Variants in TAFA4 observed in about 807,000 individuals in gnomAD.
TAFA4 encodes chemokine-like protein TAFA-4.
Under a neutral mutation model 21.1 loss-of-function variants are expected in TAFA4, and 20 were observed. That is an observed-to-expected ratio of 0.95 (90% CI 0.67 to 1.38). The LOEUF is 1.38. Among genes scored for constraint, TAFA4 ranks in the 40% most tolerant of loss-of-function variants. The pLI, the probability that TAFA4 is intolerant of heterozygous loss-of-function variation, is 0.00. For synonymous variants in TAFA4, 71 were observed against 67.4 expected, an observed-to-expected ratio of 1.05 and a Z score of -0.26; for missense variants, 211 against 180.9, an observed-to-expected ratio of 1.17 and a Z score of -0.95.
chr3:68,820,292 T>C (rs1043494001), intron 3 of TAFA4, among the ~76,000 whole-genome samples: 1 of 152,166 alleles, frequency 6.6e-6, no homozygotes, highest in Non-Finnish European at 1.5e-5. Context: ...AGATAAGATA[T>C]TTGTCAAATG....
chr3:68,896,779 G>C (rs1206033795), intron 1 of TAFA4, among the ~76,000 whole-genome samples: 1 of 152,214 alleles, frequency 6.6e-6, no homozygotes. Flanking sequence ...GGGTATCTCA[G>C]ACACTCCATG....
At chr3:68,901,843 C>T (rs759888593) in intron 1 of TAFA4, among the ~76,000 whole-genome samples, 1 of 152,156 alleles carries the variant, frequency 6.6e-6, no homozygotes. Flanking sequence ...GGGTTCTTGT[C>T]CTCACTGTTT....
chr3:68,912,410 T>C (rs1477490680), intron 1 of TAFA4, among the ~76,000 whole-genome samples: 1 of 152,234 alleles, frequency 6.6e-6, no homozygotes, highest in African/African-American at 2.4e-5. Context: ...CTGACTTCAC[T>C]ACTGGCCGCT....
intron 3 of TAFA4, among the ~76,000 whole-genome samples, chr3:68,807,009 C>T (rs1484326907): frequency 6.6e-6 from 1 of 152,152 alleles, no homozygotes; most frequent in Non-Finnish European, 1.5e-5. Flanking sequence ...AAATGAAGTC[C>T]TGCCAATGCA....
intron 3 of TAFA4, among the ~76,000 whole-genome samples, chr3:68,777,496 T>A (rs1247363100): frequency 1.3e-5 from 2 of 152,094 alleles, no homozygotes; most frequent in Non-Finnish European, 2.9e-5. Flanking sequence ...TAATTAAAAA[T>A]TTAAATTTAA....
At chr3:68,899,896 T>A (rs964229517) in intron 1 of TAFA4, among the ~76,000 whole-genome samples, 4 of 152,010 alleles carry the variant, frequency 2.6e-5, no homozygotes, top group African/African-American at 9.7e-5. Context: ...TAAAAATTAA[T>A]ATCTGGAAAG....
intron 3 of TAFA4, among the ~76,000 whole-genome samples, chr3:68,826,528 G>A (rs569452443): frequency 1.4e-5 from 2 of 148,084 alleles, no homozygotes; most frequent in East Asian, 4.0e-4. Flanking sequence ...AGCCGAGATC[G>A]CGCCACCGCA....
chr3:68,813,227 G>A (rs1336229536), intron 3 of TAFA4, among the ~76,000 whole-genome samples: 2 of 152,052 alleles, frequency 1.3e-5, no homozygotes, highest in Non-Finnish European at 2.9e-5. Flanking sequence ...AAGCAGGAAA[G>A]ATCTAAAATT....
chr3:68,845,003 G>A (rs967935598), intron 3 of TAFA4, among the ~76,000 whole-genome samples: 1 of 152,148 alleles, frequency 6.6e-6, no homozygotes, highest in African/African-American at 2.4e-5. Flanking sequence ...TGCTGATTTG[G>A]GGAGGAGCGT....
rs546752173 is a variant in TAFA4 at position 68,895,121 on chromosome 3, C to T, written c.-122-9811G>A. On this transcript the variant is annotated intron_variant, in intron 1 of 5. Transcript: ENST00000295569. ...CAAGCAATTCTCCTGCCTCAGCCTCCTGAGTAGCTGGGATTACAGGCGCCC... is the reference window on the plus strand; with the variant it reads ...CAAGCAATTCTCCTGCCTCAGCCTCTTGAGTAGCTGGGATTACAGGCGCCC... Among the ~76,000 whole-genome samples the T allele has an allele frequency of 3.3e-5, 5 of 152,270 alleles. No homozygotes were observed. In the East Asian group the frequency reaches 7.7e-4, roughly 24 times the overall value.
chr3:68,757,064 T>A (rs1702672802), intron 3 of TAFA4, among the ~76,000 whole-genome samples: 1 of 152,136 alleles, frequency 6.6e-6, no homozygotes, highest in Admixed American at 6.5e-5. Context: ...CTCCCATTGG[T>A]CATTGTCTCA....
intron 3 of TAFA4, among the ~76,000 whole-genome samples, chr3:68,813,012 T>C (rs1013482816): frequency 1.3e-5 from 2 of 152,054 alleles, no homozygotes; most frequent in Non-Finnish European, 2.9e-5. Context: ...GAACTCAGGA[T>C]TAAGAAACTC....
At chr3:68,892,618 G>A (rs952408643) in intron 1 of TAFA4, among the ~76,000 whole-genome samples, 12 of 152,066 alleles carry the variant, frequency 7.9e-5, no homozygotes, top group African/African-American at 2.9e-4. Flanking sequence ...TTTAAAAAAC[G>A]CTCTTCTAGT....
At chr3:68,788,538 T>C (rs1053118871) in intron 3 of TAFA4, among the ~76,000 whole-genome samples, 16 of 152,236 alleles carry the variant, frequency 1.1e-4, no homozygotes, top group African/African-American at 3.9e-4. Flanking sequence ...CAAAAAATCA[T>C]TGACAAGACC....
chr3:68,870,919 C>A (rs2089474599), intron 3 of TAFA4, among the ~76,000 whole-genome samples: 1 of 152,098 alleles, frequency 6.6e-6, no homozygotes, highest in African/African-American at 2.4e-5. Context: ...TGAACTCATT[C>A]TTTTTTATGG....
At chr3:68,906,914 T>A (rs1049786254) in intron 1 of TAFA4, among the ~76,000 whole-genome samples, 1 of 151,160 alleles carries the variant, frequency 6.6e-6, no homozygotes, top group African/African-American at 2.4e-5. Context: ...ACCTGTGGTC[T>A]CAGTTACTTG....
At chr3:68,760,308 A>G (rs1468555204) in intron 3 of TAFA4, among the ~76,000 whole-genome samples, 1 of 152,210 alleles carries the variant, frequency 6.6e-6, no homozygotes, top group Non-Finnish European at 1.5e-5. Flanking sequence ...AAACAATAGA[A>G]AAAATACCCA....
chr3:68,786,046 G>C (rs900927412), intron 3 of TAFA4, among the ~76,000 whole-genome samples: 2 of 152,128 alleles, frequency 1.3e-5, no homozygotes, highest in African/African-American at 4.8e-5. Flanking sequence ...AATAAACTAC[G>C]TTAAGTCCCC....
intron 3 of TAFA4, among the ~76,000 whole-genome samples, chr3:68,849,226 T>A (rs1405042652): frequency 1.3e-5 from 2 of 152,198 alleles, no homozygotes; most frequent in Non-Finnish European, 2.9e-5. Context: ...TTGTGCCATA[T>A]TTAAGATCGA....
Sources: allele counts gnomAD v4.1 joint callset (sites outside exome capture counted in the v4.1 genomes callset), GRCh38; gene constraint gnomAD v4.1.1; transcripts MANE v1.5; gene names NCBI Gene and HGNC (gene_info 2026-07-23, HGNC 2026-07-21).